The following SLC44A3 variants were observed in gnomAD, a reference collection of about 807,000 sequenced individuals.
SLC44A3 encodes the protein choline transporter-like protein 3.
A neutral mutation model predicts 75.4 loss-of-function variants in SLC44A3; 74 were observed. The ratio of observed to expected loss-of-function variants is 0.98; its 90% CI spans 0.81 to 1.19. The LOEUF (loss-of-function observed/expected upper bound fraction) is 1.19, where lower values mean the gene tolerates loss of function less well. Among genes scored for constraint, SLC44A3 ranks in the 50% most tolerant of loss-of-function variants. The probability of loss-of-function intolerance (pLI) is 0.00; values close to 1 mark genes in which losing one functional copy is unlikely to be tolerated. For synonymous variants in SLC44A3, 310 were observed against 296.9 expected (o/e 1.04, Z -0.45); for missense variants, 700 against 778.6 (o/e 0.90, Z 1.20).
intron 2 of SLC44A3, among the ~76,000 whole-genome samples, chr1:94,824,041 G>A (rs1571144558): frequency 6.6e-6 from 1 of 151,736 alleles, no homozygotes; most frequent in Non-Finnish European, 1.5e-5. Context: ...CAACTGTGTT[G>A]CTTCTGCAGA....
chr1:94,821,401 T>G (rs930531710), intron 2 of SLC44A3, among the ~76,000 whole-genome samples: 12 of 152,170 alleles, frequency 7.9e-5, no homozygotes, highest in Admixed American at 6.5e-5. Context: ...CAAATATTCC[T>G]CAAGCTTTTG....
At chr1:94,867,918 C>T (rs993341709) in intron 12 of SLC44A3, among the ~76,000 whole-genome samples, 4 of 152,000 alleles carry the variant, frequency 2.6e-5, no homozygotes, top group Non-Finnish European at 5.9e-5. Flanking sequence ...ATTTAGAAAC[C>T]CTAAGCATAA....
At chr1:94,866,370 A>G (rs1399351845) in intron 11 of SLC44A3, among the ~76,000 whole-genome samples, 1 of 152,134 alleles carries the variant, frequency 6.6e-6, no homozygotes, top group Non-Finnish European at 1.5e-5. Flanking sequence ...CTAAAAGGTT[A>G]TTTATCACTT....
intron 12 of SLC44A3, among the ~76,000 whole-genome samples, chr1:94,887,923 T>A (rs1490053622): frequency 6.6e-6 from 1 of 152,206 alleles, no homozygotes; most frequent in Non-Finnish European, 1.5e-5. Context: ...CCACACCTCC[T>A]CAGGTGCTTA....
Position 94,824,502 on chromosome 1 carries a change from A to G in SLC44A3, c.145A>G (p.Met49Val). Reference sequence around the variant, plus strand: ...CCCCCGTTTTTGCCAGGTGTTTATCATGGGCTACTCGGTGGTGGCTGGAGC... The same window carrying G: ...CCCCCGTTTTTGCCAGGTGTTTATCGTGGGCTACTCGGTGGTGGCTGGAGC... ...FLFWTGLVFI[M>V]GYSVVAGAAG... Residue 49 changes from methionine to valine, a missense_variant, in exon 3 of 15, where the codon ATG becomes GTG. By Grantham distance (21) the Met-to-Val change is conservative. Transcript: ENST00000271227. 1.2e-6 allele frequency: 2 copies of G among 1,602,384 alleles called. No homozygotes were observed. The highest frequency in any genetic ancestry group is 2.2e-5 in the East Asian group (1 of 44,678).
At chr1:94,833,600 G>A (rs1053792025) in intron 5 of SLC44A3, among the ~76,000 whole-genome samples, 1 of 152,158 alleles carries the variant, frequency 6.6e-6, no homozygotes, top group Non-Finnish European at 1.5e-5. Context: ...CTCCCCAGCT[G>A]TAGCTCTCTG....
intron 9 of SLC44A3, among the ~76,000 whole-genome samples, chr1:94,848,037 G>T (rs1453434759): frequency 1.3e-5 from 2 of 152,150 alleles, no homozygotes; most frequent in Admixed American, 6.5e-5. Flanking sequence ...GACCATCCTG[G>T]CTAACACGGT....
At position 94,888,165 on chromosome 1, in the gene SLC44A3, T is replaced by C. The variant is rs578075512; in HGVS notation, c.1483-2965T>C. 7.2e-5 allele frequency among the ~76,000 whole-genome samples: 11 copies of C among 152,328 alleles called. No individual in the cohort carries two copies. The East Asian group carries it at 1.5e-3, about 21-fold the overall frequency. Reference sequence around the variant, plus strand: ...GACCAACAGCTAGTCAGTGGTAGAATTGGGATTTGAGCACAGAGACAGTCT... The same window carrying C: ...GACCAACAGCTAGTCAGTGGTAGAACTGGGATTTGAGCACAGAGACAGTCT... On this transcript the variant is annotated intron_variant, in intron 12 of 14. Coordinates refer to ENST00000271227, the MANE Select transcript of SLC44A3 (RefSeq NM_001114106.3).
intron 12 of SLC44A3, among the ~76,000 whole-genome samples, chr1:94,872,423 A>T (rs112630785): frequency 0.11 from 16,946 of 150,898 alleles, 1,370 homozygotes; most frequent in African/African-American, 0.23. Flanking sequence ...TTTTTTTTTT[A>T]AATCACTTTA....
At chr1:94,873,619 A>G (rs537065084) in intron 12 of SLC44A3, among the ~76,000 whole-genome samples, 31 of 152,270 alleles carry the variant, frequency 2.0e-4, no homozygotes, top group African/African-American at 6.3e-4. Context: ...ATCTCCAAAC[A>G]TTCTCTTCCC....
chr1:94,821,139 T>C (rs906705251), intron 2 of SLC44A3, 83 bp downstream of exon 2: 5 of 1,073,164 alleles, frequency 4.7e-6, no homozygotes, highest in African/African-American at 3.2e-5. Flanking sequence ...TAAATCGTAG[T>C]TGGTGCTGCA....
chr1:94,828,150 T>A (rs1661628571), intron 4 of SLC44A3, among the ~76,000 whole-genome samples: 1 of 152,238 alleles, frequency 6.6e-6, no homozygotes, highest in African/African-American at 2.4e-5. Context: ...GTCCACTGTT[T>A]AGAATTTTAT....
intron 12 of SLC44A3, among the ~76,000 whole-genome samples, chr1:94,874,430 G>A (rs748451011): frequency 1.3e-5 from 2 of 152,198 alleles, no homozygotes; most frequent in Non-Finnish European, 2.9e-5. Context: ...GTCCTTTGGG[G>A]TAAGGCCCAG....
chr1:94,877,996 A>G (rs1668479435), intron 12 of SLC44A3, among the ~76,000 whole-genome samples: 2 of 152,250 alleles, frequency 1.3e-5, no homozygotes, highest in East Asian at 1.9e-4. Flanking sequence ...GCACTTTGGG[A>G]GGCCAAGGCG....
In SLC44A3 at chr1:94,861,981, A is replaced by G. The variant is rs12071833; in HGVS notation, c.1239-2762A>G. Among the ~76,000 whole-genome samples, 1,179 of 152,356 alleles carry G rather than the reference A, an allele frequency of 7.7e-3. 14 individuals are homozygous for G. Among genetic ancestry groups the G allele is most frequent in the African/African-American group, 0.027 (1,131 of 41,578 alleles). ...GGGTTTCCAGCTGCTCTATATCTAC[A>G]GATGGAGAAGAGGAAATGGATTCAT... On this transcript the variant is annotated intron_variant, in intron 10 of 14. Transcript: ENST00000271227.
At position 94,857,478 on chromosome 1, in the gene SLC44A3, G is replaced by C. The variant is rs780466998; in HGVS notation, c.1216G>C (p.Val406Leu). 2 of 1,612,020 alleles carry C rather than the reference G, an allele frequency of 1.2e-6. No individual in the cohort carries two copies. Among genetic ancestry groups the C allele is most frequent in the Non-Finnish European group, 1.7e-6 (2 of 1,179,472 alleles). The change falls in exon 10 of 15, where the codon GTG (valine) becomes CTG (leucine). Residue 406 changes from valine (V) to leucine (L), a missense_variant. By Grantham distance (32) the Val-to-Leu change is conservative (BLOSUM62 1). Coordinates refer to ENST00000271227, the MANE Select transcript of SLC44A3 (RefSeq NM_001114106.3). The stretch of plus-strand genomic sequence containing the variant: ...CCAGCAAATGACTATAGCTGGGGCA[G>C]TGGTTACTTGTTATTTCAACAGGTA... ...ACQQMTIAGAVVTCYFNRSKN... is the reference protein window; with the variant it reads ...ACQQMTIAGALVTCYFNRSKN...
At chr1:94,850,229 C>T (rs1665032608) in intron 9 of SLC44A3, among the ~76,000 whole-genome samples, 1 of 152,116 alleles carries the variant, frequency 6.6e-6, no homozygotes, top group African/African-American at 2.4e-5. Context: ...AAGCCCCCAT[C>T]TTGCACCACC....
intron 12 of SLC44A3, among the ~76,000 whole-genome samples, chr1:94,884,241 T>A (rs950112841): frequency 6.6e-6 from 1 of 151,970 alleles, no homozygotes; most frequent in African/African-American, 2.4e-5. Context: ...TCTCATTGGA[T>A]GTTTGTTTGC....
At chr1:94,836,912 A>G (rs1172004589) in intron 5 of SLC44A3, 1 of 89,456 alleles carries the variant, frequency 1.1e-5, no homozygotes, top group Non-Finnish European at 2.3e-5. Flanking sequence ...ACCTGTCTCA[A>G]CAAAAAAAAA....
Sources: gnomAD v4.1 joint callset for allele counts (sites outside exome capture counted in the v4.1 genomes callset) on GRCh38, gnomAD v4.1.1 for gene constraint, MANE v1.5 for transcripts, NCBI Gene and HGNC (gene_info 2026-07-23, HGNC 2026-07-21) for gene names.